Variants in YWHAG observed in about 807,000 individuals in gnomAD.
YWHAG encodes the protein tyrosine 3-monooxygenase/tryptophan 5-monooxygenase activation protein gamma.
A neutral mutation model predicts 23.3 loss-of-function variants in YWHAG; 1 was observed. The observed-to-expected ratio is 0.04, with a 90% CI of 0.02 to 0.20. YWHAG has a LOEUF of 0.20. Ranked by LOEUF, YWHAG falls within the 10% of genes least tolerant of loss-of-function variation. The probability of loss-of-function intolerance (pLI) is 1.00; values close to 1 mark genes in which losing one functional copy is unlikely to be tolerated. For synonymous variants in YWHAG, 160 were observed against 144.0 expected (o/e 1.11, Z -0.80); for missense variants, 151 against 338.6 (o/e 0.45, Z 4.35).
rs541160216 is a variant in YWHAG, at chr7:76,335,683, G to A, written c.88-5450C>T. The stretch of plus-strand genomic sequence containing the variant: ...GTAATGGTAGGGACCAGACACAGCC[G>A]CTCACCTCTGTAATCCCAGCACTTT... On this transcript the variant is annotated intron_variant, in intron 1 of 1. Transcript: ENST00000307630. 1.4e-4 allele frequency among the ~76,000 whole-genome samples: 22 copies of A among 152,320 alleles called. No homozygotes were observed. In the South Asian group the frequency reaches 1.7e-3, roughly 11 times the overall value.
chr7:76,357,347 G>T (rs556815048), intron 1 of YWHAG, among the ~76,000 whole-genome samples: 1 of 152,268 alleles, frequency 6.6e-6, no homozygotes, highest in Non-Finnish European at 1.5e-5. Context: ...GATGTAACAC[G>T]CAAGGTACAC....
intron 1 of YWHAG, among the ~76,000 whole-genome samples, chr7:76,346,269 C>T (rs7779014): frequency 0.3 from 45,487 of 152,046 alleles, 6,982 homozygotes; most frequent in East Asian, 0.44. Context: ...CCAGTCACTA[C>T]TTAAGTGCCA....
At chr7:76,340,032 T>C (rs1160805048) in intron 1 of YWHAG, among the ~76,000 whole-genome samples, 1 of 152,138 alleles carries the variant, frequency 6.6e-6, no homozygotes, top group Non-Finnish European at 1.5e-5. Context: ...GACATTGCAG[T>C]GAGCCAAGAT....
chr7:76,342,030 A>C (rs1241299821), intron 1 of YWHAG, among the ~76,000 whole-genome samples: 1 of 152,190 alleles, frequency 6.6e-6, no homozygotes, highest in Non-Finnish European at 1.5e-5. Flanking sequence ...TAATACATGG[A>C]CTTACACACA....
At position 76,358,740 on chromosome 7, in the gene YWHAG, C is replaced by T. The variant is rs764951861; in HGVS notation, c.69G>A (p.Met23Ile). The change falls in exon 1 of 2, where the codon ATG becomes ATA. Residue 23 changes from methionine to isoleucine, a missense_variant. Met to Ile is a conservative substitution (Grantham distance 10). Transcript: ENST00000307630. ...CACTCACGTTCTTCATGGCCGCGGC[C>T]ATGTCGTCGTAGCGCTCCGCCTGCT... ...LAEQAERYDD[M>I]AAAMKNVTEL... 6.3e-7 allele frequency: 1 copy of T among 1,591,822 alleles called. No homozygotes were observed. Among genetic ancestry groups the T allele is most frequent in the Non-Finnish European group, 8.5e-7 (1 of 1,170,610 alleles).
rs141608276 is a variant in YWHAG, at chr7:76,352,382, G to A, written c.87+6340C>T. On this transcript the variant is annotated intron_variant, in intron 1 of 1. Transcript: ENST00000307630. The stretch of plus-strand genomic sequence containing the variant: ...ATACTCAGCTTGCGGCAGGTTGGGG[G>A]TGGATCAGTGACTCCTCTTCAGCTA... Among the ~76,000 whole-genome samples, 29 of 152,206 alleles carry A rather than the reference G, an allele frequency of 1.9e-4. 1 individual carries two copies. In the East Asian group the frequency reaches 5.4e-3, roughly 28 times the overall value.
rs1423466375 is a variant in YWHAG at position 76,328,824 on chromosome 7, C to CCGCCGAGCACCTA, written c.*752_*753insTAGGTGCTCGGCG. The stretch of plus-strand genomic sequence containing the variant: ...CAAAAAAAAAAAATCCCACAGCCAC[C>CCGCCGAGCACCTA]TGACCTGAAGTCGCTTTCATTCTCA... On this transcript the variant is annotated 3_prime_UTR_variant, in exon 2 of 2. Coordinates refer to ENST00000307630, the MANE Select transcript of YWHAG (RefSeq NM_012479.4). 34 of 280 alleles carry CCGCCGAGCACCTA rather than the reference C, an allele frequency of 0.12. No homozygotes were observed. Among genetic ancestry groups the CCGCCGAGCACCTA allele is most frequent in the African/African-American group, 0.31 (34 of 110 alleles). The allele number at this position is 280 out of a possible 1,614,324, so 0.0% of individuals were successfully genotyped here. A position where few individuals can be genotyped will look rare whatever the true frequency, so the allele number is the denominator to read the frequency against.
intron 1 of YWHAG, among the ~76,000 whole-genome samples, chr7:76,352,313 C>T (rs1371771623): frequency 6.6e-6 from 1 of 152,170 alleles, no homozygotes; most frequent in Non-Finnish European, 1.5e-5. Context: ...TCCCCTCGCT[C>T]CCTTAGCCAT....
chr7:76,333,611 C>T (rs1433074761), intron 1 of YWHAG, among the ~76,000 whole-genome samples: 5 of 152,224 alleles, frequency 3.3e-5, no homozygotes, highest in South Asian at 4.1e-4. Flanking sequence ...TGCCTCACAT[C>T]GCTTCCTTTC....
chr7:76,335,354 C>T (rs1325825412), intron 1 of YWHAG, among the ~76,000 whole-genome samples: 5 of 152,300 alleles, frequency 3.3e-5, no homozygotes, highest in African/African-American at 1.2e-4. Context: ...CCGCGCCCGG[C>T]CTCAAATTTC....
intron 1 of YWHAG, among the ~76,000 whole-genome samples, chr7:76,346,293 G>A (rs1011174447): frequency 2.6e-5 from 4 of 152,058 alleles, no homozygotes; most frequent in African/African-American, 7.2e-5. Flanking sequence ...ACTCCCTAGC[G>A]CTTTACACTG....
intron 1 of YWHAG, among the ~76,000 whole-genome samples, chr7:76,333,401 C>T (rs1226198233): frequency 1.3e-5 from 2 of 152,226 alleles, no homozygotes; most frequent in Non-Finnish European, 2.9e-5. Flanking sequence ...TTGTGCCCAG[C>T]AAAGTCTTCT....
At chr7:76,336,089 T>TG (rs1346458459) in intron 1 of YWHAG, among the ~76,000 whole-genome samples, 1 of 152,174 alleles carries the variant, frequency 6.6e-6, no homozygotes, top group African/African-American at 2.4e-5. Flanking sequence ...CCCAACACAT[T>TG]GATTTAATAA....
intron 1 of YWHAG, among the ~76,000 whole-genome samples, chr7:76,337,325 A>C (rs1439080975): frequency 6.6e-6 from 1 of 152,056 alleles, no homozygotes; most frequent in Non-Finnish European, 1.5e-5. Flanking sequence ...GGGAATCTGG[A>C]TTTGGACATG....
chr7:76,332,428 C>T (rs974377297), intron 1 of YWHAG, among the ~76,000 whole-genome samples: 1 of 152,218 alleles, frequency 6.6e-6, no homozygotes, highest in African/African-American at 2.4e-5. Flanking sequence ...CAAGCCGCTT[C>T]ATTTCTCTGG....
At chr7:76,336,755 CTTTTT>C (rs36057808) in intron 1 of YWHAG, among the ~76,000 whole-genome samples, 1 of 133,246 alleles carries the variant, frequency 7.5e-6, no homozygotes, top group Admixed American at 7.6e-5. Context: ...GGTGCCCGGT[CTTTTT>C]TTTTTTTTTT....
At chr7:76,342,199 T>C (rs954051498) in intron 1 of YWHAG, among the ~76,000 whole-genome samples, 2 of 152,152 alleles carry the variant, frequency 1.3e-5, no homozygotes, top group African/African-American at 4.8e-5. Context: ...TGCACAGCTA[T>C]CATAAAAGAA....
At position 76,358,891 on chromosome 7, in the gene YWHAG, G is replaced by C; in HGVS notation, c.-83C>G. 6 of 1,360,214 alleles carry C rather than the reference G, an allele frequency of 4.4e-6. No individual in the cohort carries two copies. Among genetic ancestry groups the C allele is most frequent in the Non-Finnish European group, 5.0e-6 (5 of 1,003,540 alleles). 84.3% of individuals were successfully genotyped at this position (1,360,214 alleles called of 1,614,324 possible). ...CTTGGAGGGCGCGACTGGAGCCCAA[G>C]TGCCGGAGAGGACCGACCCACAGAG... On this transcript the variant is annotated 5_prime_UTR_variant, in exon 1 of 2. Transcript: ENST00000307630.
At chr7:76,350,372 CATT>C (rs1803856259) in intron 1 of YWHAG, among the ~76,000 whole-genome samples, 1 of 152,202 alleles carries the variant, frequency 6.6e-6, no homozygotes, top group East Asian at 1.9e-4. Flanking sequence ...GGACCTTAAA[CATT>C]ATTCTTAGCT....
Sources: allele counts gnomAD v4.1 joint callset (sites outside exome capture counted in the v4.1 genomes callset), GRCh38; gene constraint gnomAD v4.1.1; transcripts MANE v1.5; gene names NCBI Gene and HGNC (gene_info 2026-07-23, HGNC 2026-07-21).